Variants in BCAS3 observed in about 807,000 individuals in gnomAD.
The protein encoded by BCAS3 is BCAS4/BCAS3 fusion.
A neutral mutation model predicts 116.1 loss-of-function variants in BCAS3; 53 were observed. The ratio of observed to expected loss-of-function variants is 0.46; its 90% CI spans 0.37 to 0.57. The LOEUF is 0.57. Among genes scored for constraint, BCAS3 ranks in the 20% least tolerant of loss-of-function variants. The pLI, the probability that BCAS3 is intolerant of heterozygous loss-of-function variation, is 0.00. For synonymous variants in BCAS3, 391 were observed against 408.2 expected, an observed-to-expected ratio of 0.96 and a Z score of 0.51; for missense variants, 917 against 1,165.4, an observed-to-expected ratio of 0.79 and a Z score of 3.10.
intron 22 of BCAS3, among the ~76,000 whole-genome samples, chr17:61,238,212 C>T (rs1412790129): frequency 8.0e-6 from 1 of 125,738 alleles, no homozygotes; most frequent in Non-Finnish European, 1.6e-5. Flanking sequence ...GCCACCACAC[C>T]TGGCAGTTTT....
chr17:61,157,722 A>G (rs947048570), intron 22 of BCAS3, among the ~76,000 whole-genome samples: 5 of 151,876 alleles, frequency 3.3e-5, no homozygotes, highest in Non-Finnish European at 5.9e-5. Context: ...GCCTGCAATC[A>G]TATGAATCAG....
intron 12 of BCAS3, 128 bp from the exon 13 acceptor site, chr17:60,924,279 A>G (rs1425281123): frequency 5.5e-6 from 4 of 723,224 alleles, no homozygotes; most frequent in Non-Finnish European, 9.4e-6. Flanking sequence ...TTATATTGGC[A>G]AGAATAATCT....
intron 5 of BCAS3, among the ~76,000 whole-genome samples, chr17:60,736,445 C>G (rs2040973230): frequency 6.6e-6 from 1 of 152,022 alleles, no homozygotes. Flanking sequence ...GTCAGCCTCC[C>G]AAAGTGCTGG....
chr17:60,772,532 T>C (rs936023588), intron 6 of BCAS3, among the ~76,000 whole-genome samples: 2 of 152,222 alleles, frequency 1.3e-5, no homozygotes, highest in Non-Finnish European at 2.9e-5. Flanking sequence ...TGGTAGTTTC[T>C]TTTGCTTTGC....
intron 11 of BCAS3, among the ~76,000 whole-genome samples, chr17:60,906,658 T>C (rs1447928849): frequency 6.6e-6 from 1 of 152,200 alleles, no homozygotes; most frequent in East Asian, 1.9e-4. Context: ...CTCAGTACCT[T>C]CAAGCAGCAT....
chr17:61,348,243 G>C lies in BCAS3; in HGVS notation c.2426-20084G>C, dbSNP rs1449645355. ...TTTGGGCCAATGAGAAGATGGTGTT[G>C]CCACCCACCTAAGTAGGGATAGAGA... On this transcript the variant is annotated intron_variant, in intron 22 of 23. Transcript: ENST00000407086. The surrounding 1 kb of genome is among the most constrained non-coding windows in gnomAD (Gnocchi z 4.5). Among the ~76,000 whole-genome samples, 1 of 152,160 alleles carries C rather than the reference G, an allele frequency of 6.6e-6. No individual in the cohort carries two copies. The highest frequency in any genetic ancestry group is 2.4e-5 in the African/African-American group (1 of 41,448).
At chr17:60,774,617 A>G (rs531659601) in intron 6 of BCAS3, among the ~76,000 whole-genome samples, 11 of 152,362 alleles carry the variant, frequency 7.2e-5, no homozygotes, top group African/African-American at 2.4e-4. Context: ...TATTCTTTCA[A>G]TACTTTCTCT....
chr17:60,960,168 T>C lies in BCAS3; in HGVS notation c.1221+12816T>C, dbSNP rs767457036. Among the ~76,000 whole-genome samples the C allele has an allele frequency of 6.6e-6, 1 of 152,202 alleles. No individual in the cohort carries two copies. Among genetic ancestry groups the C allele is most frequent in the Non-Finnish European group, 1.5e-5 (1 of 68,032 alleles). Reference sequence around the variant, plus strand: ...TCTATCCTCTGCCTCCCAGAATTCATGTTCATGCCATATGCTAAGTATTAC... The same window carrying C: ...TCTATCCTCTGCCTCCCAGAATTCACGTTCATGCCATATGCTAAGTATTAC... On this transcript the variant is annotated intron_variant, in intron 14 of 23. Transcript: ENST00000407086. This position sits in a 1 kb window ranked among gnomAD's most constrained non-coding sequence, Gnocchi z 4.1.
In BCAS3 at chr17:60,719,282, G is replaced by A. The variant is rs566706614; in HGVS notation, c.321+9957G>A. On this transcript the variant is annotated intron_variant, in intron 5 of 23. Coordinates refer to ENST00000407086, the MANE Select transcript of BCAS3 (RefSeq NM_017679.5). The stretch of plus-strand genomic sequence containing the variant: ...TTGTTATTGGCAGCAAAAAGGTAAA[G>A]TGCAGAAAATGAGAGTAAGCCTTTC... Among the ~76,000 whole-genome samples, 7 of 152,306 alleles carry A rather than the reference G, an allele frequency of 4.6e-5. No individual in the cohort carries two copies. The South Asian group carries it at 1.2e-3, about 27-fold the overall frequency.
At chr17:61,121,560 A>G (rs908649980) in intron 22 of BCAS3, among the ~76,000 whole-genome samples, 5 of 152,244 alleles carry the variant, frequency 3.3e-5, no homozygotes, top group African/African-American at 9.6e-5. Context: ...GTGGATTTAT[A>G]CAACTTTATG....
chr17:61,198,594 A>C lies in BCAS3; in HGVS notation c.2425+114030A>C, dbSNP rs16944991. 0.023 allele frequency among the ~76,000 whole-genome samples: 3,505 copies of C among 152,266 alleles called. 146 individuals are homozygous for C. Among genetic ancestry groups the C allele is most frequent in the African/African-American group, 0.08 (3,343 of 41,534 alleles). On this transcript the variant is annotated intron_variant, in intron 22 of 23. Coordinates refer to ENST00000407086, the MANE Select transcript of BCAS3 (RefSeq NM_017679.5). This position sits in a 1 kb window ranked among gnomAD's most constrained non-coding sequence, Gnocchi z 5.0. ...TGCAAGAAGGTGAAAGTAGACAAAC[A>C]TGTTTTTGACACATTGTTATTGCTA...
intron 8 of BCAS3, among the ~76,000 whole-genome samples, chr17:60,869,330 G>A (rs7210917): frequency 0.31 from 47,265 of 152,092 alleles, 12,430 homozygotes; most frequent in African/African-American, 0.72. Flanking sequence ...TTCCTTTTCC[G>A]TTTAAGCAAA....
At chr17:60,715,346 A>G (rs1298110773) in intron 5 of BCAS3, among the ~76,000 whole-genome samples, 6 of 151,870 alleles carry the variant, frequency 4.0e-5, no homozygotes, top group African/African-American at 1.5e-4. Flanking sequence ...CATGTTGGCC[A>G]GGCTGGTTTC....
intron 13 of BCAS3, among the ~76,000 whole-genome samples, chr17:60,935,183 G>C (rs1024630185): frequency 2.0e-5 from 3 of 151,996 alleles, no homozygotes; most frequent in Non-Finnish European, 2.9e-5. Context: ...TGAAAAATCT[G>C]ATTAATTCTT....
At chr17:61,172,361 C>G (rs994928079) in intron 22 of BCAS3, among the ~76,000 whole-genome samples, 1 of 152,232 alleles carries the variant, frequency 6.6e-6, no homozygotes, top group African/African-American at 2.4e-5. Context: ...TCTGGCCGGG[C>G]GTGGTGGCTT....
chr17:60,984,009 G>A (rs2062975138), intron 14 of BCAS3, among the ~76,000 whole-genome samples: 2 of 152,082 alleles, frequency 1.3e-5, no homozygotes, highest in Non-Finnish European at 2.9e-5. Flanking sequence ...GAACATAATC[G>A]TAGGCAAGCT....
At position 61,361,430 on chromosome 17, in the gene BCAS3, G is replaced by C. The variant is rs1461979339; in HGVS notation, c.2426-6897G>C. 6.6e-6 allele frequency among the ~76,000 whole-genome samples: 1 copy of C among 152,068 alleles called. No homozygotes were observed. Among genetic ancestry groups the C allele is most frequent in the Non-Finnish European group, 1.5e-5 (1 of 68,020 alleles). On this transcript the variant is annotated intron_variant, in intron 22 of 23. Transcript: ENST00000407086. This position sits in a 1 kb window ranked among gnomAD's most constrained non-coding sequence, Gnocchi z 6.5. The stretch of plus-strand genomic sequence containing the variant: ...CATTGAACTCCTTTTCCCTGGCTCA[G>C]GACCATGCGATATGATACACATAAT...
intron 6 of BCAS3, among the ~76,000 whole-genome samples, chr17:60,777,781 G>A (rs1314652598): frequency 6.6e-6 from 1 of 151,940 alleles, no homozygotes; most frequent in East Asian, 1.9e-4. Flanking sequence ...TTCTGACAGG[G>A]CCCCCTCGGA....
rs558126575 is a variant in BCAS3 at position 60,722,967 on chromosome 17, G to GGAGATCAAGGCTGTGGTGAGCT, written c.321+13643_321+13664dup. 3.4e-3 allele frequency among the ~76,000 whole-genome samples: 519 copies of GGAGATCAAGGCTGTGGTGAGCT among 152,110 alleles called. 2 individuals are homozygous for GGAGATCAAGGCTGTGGTGAGCT. Among genetic ancestry groups the GGAGATCAAGGCTGTGGTGAGCT allele is most frequent in the Middle Eastern group, 0.024 (7 of 294 alleles). ...GAGGGGAGAGGATCACTTGAGTCTA[G>GGAGATCAAGGCTGTGGTGAGCT]GAGATCAAGGCTGTGGTGAGCTATG... On this transcript the variant is annotated intron_variant, in intron 5 of 23. Coordinates refer to ENST00000407086, the MANE Select transcript of BCAS3 (RefSeq NM_017679.5).
Sources: allele counts gnomAD v4.1 joint callset (sites outside exome capture counted in the v4.1 genomes callset), GRCh38; gene constraint gnomAD v4.1.1; non-coding constraint Gnocchi (gnomAD v3.1); transcripts MANE v1.5; gene names NCBI Gene and HGNC (gene_info 2026-07-23, HGNC 2026-07-21).